Variants in ARNT2 observed in about 807,000 individuals in gnomAD.
The protein encoded by ARNT2 is aryl hydrocarbon receptor nuclear translocator 2.
Under a neutral mutation model 91.7 loss-of-function variants are expected in ARNT2, and 36 were observed. The ratio of observed to expected loss-of-function variants is 0.39; its 90% CI spans 0.30 to 0.52. The LOEUF (loss-of-function observed/expected upper bound fraction) is 0.52, where lower values mean the gene tolerates loss of function less well. ARNT2 is among the 20% of genes least tolerant of loss of function. ARNT2 has a pLI of 0.72. For synonymous variants in ARNT2, 365 were observed against 347.1 expected, an observed-to-expected ratio of 1.05 and a Z score of -0.57; for missense variants, 775 against 939.3, an observed-to-expected ratio of 0.83 and a Z score of 2.29.
At chr15:80,494,794 C>A (rs1174385546) in intron 5 of ARNT2, among the ~76,000 whole-genome samples, 2 of 152,120 alleles carry the variant, frequency 1.3e-5, no homozygotes. Flanking sequence ...GAGTTCTCTG[C>A]CCGTTGGTAT....
chr15:80,479,943 G>T (rs757083368), intron 5 of ARNT2, among the ~76,000 whole-genome samples: 10 of 149,782 alleles, frequency 6.7e-5, no homozygotes, highest in Admixed American at 1.3e-4. Flanking sequence ...GTCACTAAAA[G>T]AAAGAAGAGA....
chr15:80,510,593 G>A (rs1301087149), intron 6 of ARNT2, among the ~76,000 whole-genome samples: 3 of 61,638 alleles, frequency 4.9e-5, no homozygotes, highest in Non-Finnish European at 1.3e-4. Flanking sequence ...CATTTTGGGA[G>A]GCCAAGGCGG....
rs191335497 is a variant in ARNT2 at position 80,486,915 on chromosome 15, G to C, written c.622+11692G>C. Reference sequence around the variant, plus strand: ...ACGTGGTTACAGGTTGAGCCTTGCTGTATCGATTCCTCTGCTTCACTTTCC... The same window carrying C: ...ACGTGGTTACAGGTTGAGCCTTGCTCTATCGATTCCTCTGCTTCACTTTCC... On this transcript the variant is annotated intron_variant, in intron 5 of 18. Coordinates refer to ENST00000303329, the MANE Select transcript of ARNT2 (RefSeq NM_014862.4). Among the ~76,000 whole-genome samples, 14 of 152,338 alleles carry C rather than the reference G, an allele frequency of 9.2e-5. No individual in the cohort carries two copies. In the East Asian group the frequency reaches 1.5e-3, roughly 17 times the overall value.
chr15:80,487,828 G>C (rs1897000416), intron 5 of ARNT2: 1 of 152,206 alleles, frequency 6.6e-6, no homozygotes, highest in African/African-American at 2.4e-5. Context: ...ACCGGAAGAG[G>C]AGGCTTGCCC....
In ARNT2 at chr15:80,498,198, G is replaced by A. The variant is rs115070356; in HGVS notation, c.623-9958G>A. Among the ~76,000 whole-genome samples, 1,501 of 152,268 alleles carry A rather than the reference G, an allele frequency of 9.9e-3. 24 individuals are homozygous for A. The highest frequency in any genetic ancestry group is 0.035 in the African/African-American group (1,449 of 41,558). ...TCTCCAGTTGCACTCCCTCCTTCCTGCCTGGAAGCACCGATGGCACACGAT... is the reference window on the plus strand; with the variant it reads ...TCTCCAGTTGCACTCCCTCCTTCCTACCTGGAAGCACCGATGGCACACGAT... On this transcript the variant is annotated intron_variant, in intron 5 of 18. Transcript: ENST00000303329.
intron 6 of ARNT2, among the ~76,000 whole-genome samples, chr15:80,509,787 T>C (rs74027804): frequency 0.017 from 2,664 of 152,262 alleles, 85 homozygotes; most frequent in African/African-American, 0.061. Flanking sequence ...TGCAAAGGCC[T>C]GGAGGCAGGG....
intron 1 of ARNT2, among the ~76,000 whole-genome samples, chr15:80,415,494 G>A (rs879588135): frequency 6.6e-6 from 1 of 152,202 alleles, no homozygotes; most frequent in Non-Finnish European, 1.5e-5. Flanking sequence ...TTGAAGTGTG[G>A]TGAGTGGGGG....
intron 8 of ARNT2, among the ~76,000 whole-genome samples, chr15:80,546,195 T>G (rs1260580638): frequency 1.3e-5 from 2 of 152,172 alleles, no homozygotes; most frequent in Non-Finnish European, 2.9e-5. Flanking sequence ...GTACAATGAT[T>G]CTGTGATGTA....
chr15:80,436,341 G>A (rs995262973), intron 1 of ARNT2: 1 of 154,404 alleles, frequency 6.5e-6, no homozygotes, highest in Non-Finnish European at 1.5e-5. Flanking sequence ...GATTCCATAC[G>A]ACAAATGAAT....
At chr15:80,558,451 T>C (rs1197867837) in intron 11 of ARNT2, among the ~76,000 whole-genome samples, 2 of 151,530 alleles carry the variant, frequency 1.3e-5, no homozygotes, top group East Asian at 3.9e-4. Context: ...GTGATTCTCA[T>C]GCCTCAGCCT....
At chr15:80,438,494 G>T (rs553125497) in intron 1 of ARNT2, among the ~76,000 whole-genome samples, 2 of 152,274 alleles carry the variant, frequency 1.3e-5, no homozygotes, top group Middle Eastern at 3.4e-3. Context: ...ACAGAAACAG[G>T]TAGAAAAATT....
chr15:80,527,147 T>C (rs1897651662), intron 8 of ARNT2, among the ~76,000 whole-genome samples: 2 of 152,260 alleles, frequency 1.3e-5, no homozygotes, highest in South Asian at 4.1e-4. Flanking sequence ...TCTTCCATTT[T>C]GTTCCATAAA....
At chr15:80,514,273 C>T in intron 7 of ARNT2, 47 bp from the exon 8 acceptor site, 2 of 1,591,598 alleles carry the variant, frequency 1.3e-6, no homozygotes, top group Non-Finnish European at 1.7e-6. Flanking sequence ...AACATCCTTG[C>T]CTCACCCTCA....
In ARNT2 at chr15:80,404,577, C is replaced by T; in HGVS notation, c.31+31C>T. On this transcript the variant is annotated intron_variant, in intron 1 of 18. Coordinates refer to ENST00000303329, the MANE Select transcript of ARNT2 (RefSeq NM_014862.4). This position sits in a 1 kb window ranked among gnomAD's most constrained non-coding sequence, Gnocchi z 5.5. ...TAGCGGCCTGGGCCCCGCCGCCCGC[C>T]GCAGCCCGCAGGCCTTGCCCGGGGC... 2.8e-6 allele frequency: 3 copies of T among 1,082,398 alleles called. No individual in the cohort carries two copies. The highest frequency in any genetic ancestry group is 3.4e-6 in the Non-Finnish European group (3 of 889,766). 67.0% of individuals were successfully genotyped at this position (1,082,398 alleles called of 1,614,324 possible).
intron 5 of ARNT2, among the ~76,000 whole-genome samples, chr15:80,493,733 A>G (rs1415206273): frequency 6.6e-6 from 1 of 152,160 alleles, no homozygotes; most frequent in East Asian, 1.9e-4. Context: ...TGGTTGAACC[A>G]TGATGATATA....
intron 1 of ARNT2, among the ~76,000 whole-genome samples, chr15:80,440,286 C>T (rs1896168409): frequency 6.6e-6 from 1 of 152,198 alleles, no homozygotes; most frequent in Non-Finnish European, 1.5e-5. Context: ...TCATCTCGCA[C>T]AGAGTGGGGC....
chr15:80,475,141 G>C lies in ARNT2; in HGVS notation c.540G>C (p.Gly180=), dbSNP rs752673717. 2 of 1,614,166 alleles carry C rather than the reference G, an allele frequency of 1.2e-6. No individual in the cohort carries two copies. Among genetic ancestry groups the C allele is most frequent in the Middle Eastern group, 1.7e-4 (1 of 6,046 alleles). The change falls in exon 5 of 19, where the codon GGG becomes GGC. Residue 180 remains glycine (G), a synonymous_variant. Coordinates refer to ENST00000303329, the MANE Select transcript of ARNT2 (RefSeq NM_014862.4). ...ACCAGCCCCAGTCAGAGTGGTTTGG[G>C]AGCACACTGTATGAACAGGTGCATC... The part of the protein sequence containing the change: ...VLNQPQSEWF[G]STLYEQVHPD...
chr15:80,558,504 T>A (rs1898246452), intron 11 of ARNT2, among the ~76,000 whole-genome samples: 1 of 151,962 alleles, frequency 6.6e-6, no homozygotes, highest in African/African-American at 2.4e-5. Flanking sequence ...CACGGCTGGC[T>A]AATTTTTGTA....
chr15:80,514,319 G>A lies in ARNT2; in HGVS notation c.792-1G>A. 1 of 1,614,088 alleles carries A rather than the reference G, an allele frequency of 6.2e-7. No homozygotes were observed. The highest frequency in any genetic ancestry group is 8.5e-7 in the Non-Finnish European group (1 of 1,179,996). Reference sequence around the variant, plus strand: ...ACAATTTCACAAATGTTCTTTTTTAGGAATGGCCTTGGCCCTGTGAAAGAA... The same window carrying A: ...ACAATTTCACAAATGTTCTTTTTTAAGAATGGCCTTGGCCCTGTGAAAGAA... On this transcript the variant is annotated splice_acceptor_variant, in intron 7 of 18. Coordinates refer to ENST00000303329, the MANE Select transcript of ARNT2 (RefSeq NM_014862.4). LOFTEE classifies it high-confidence loss of function.
Sources: allele counts gnomAD v4.1 joint callset (sites outside exome capture counted in the v4.1 genomes callset), GRCh38; gene constraint gnomAD v4.1.1; non-coding constraint Gnocchi (gnomAD v3.1); transcripts MANE v1.5; gene names NCBI Gene and HGNC (gene_info 2026-07-23, HGNC 2026-07-21).